The following CRISPLD1 variants were observed in gnomAD, a reference collection of about 807,000 sequenced individuals.
CRISPLD1 encodes cysteine rich secretory protein LCCL domain containing 1.
Under a neutral mutation model 77.5 loss-of-function variants are expected in CRISPLD1, and 60 were observed. The ratio of observed to expected loss-of-function variants is 0.77; its 90% confidence interval spans 0.63 to 0.96. CRISPLD1 has a LOEUF of 0.96. Among genes scored for constraint, CRISPLD1 ranks in the 40% least tolerant of loss-of-function variants. The probability of loss-of-function intolerance (pLI) is 0.00; values close to 1 mark genes in which losing one functional copy is unlikely to be tolerated. For synonymous variants in CRISPLD1, 195 were observed against 200.1 expected (o/e 0.97, Z 0.22); for missense variants, 623 against 615.8 (o/e 1.01, Z -0.12).
chr8:74,990,900 C>G (rs1812563280), intron 2 of CRISPLD1, among the ~76,000 whole-genome samples: 2 of 152,038 alleles, frequency 1.3e-5, no homozygotes, highest in Admixed American at 1.3e-4. Context: ...TCTCAAATGT[C>G]TTTCGAATCC....
intron 2 of CRISPLD1, among the ~76,000 whole-genome samples, chr8:74,995,615 C>T (rs1381871211): frequency 6.6e-6 from 1 of 152,194 alleles, no homozygotes; most frequent in East Asian, 1.9e-4. Context: ...GCTGTGACTA[C>T]AGCAATGTGC....
At position 75,007,221 on chromosome 8, in the gene CRISPLD1, A is replaced by G. The variant is rs1587013186; in HGVS notation, c.259-5212A>G. On this transcript the variant is annotated intron_variant, in intron 2 of 14. Coordinates refer to ENST00000262207, the MANE Select transcript of CRISPLD1 (RefSeq NM_031461.6). Reference sequence around the variant, plus strand: ...AATCTGGAAAGAGTATTAATTTACTATGGTCAAGAAGATATATTTGAAAAT... The same window carrying G: ...AATCTGGAAAGAGTATTAATTTACTGTGGTCAAGAAGATATATTTGAAAAT... Among the ~76,000 whole-genome samples the G allele has an allele frequency of 2.6e-5, 4 of 152,182 alleles. No individual in the cohort carries two copies. The South Asian group carries it at 6.2e-4, about 24-fold the overall frequency.
Position 75,019,914 on chromosome 8 carries a change from GT to G in CRISPLD1, c.1171+3del, listed in dbSNP as rs778653034. 3.3e-5 allele frequency: 53 copies of G among 1,612,732 alleles called. No individual in the cohort carries two copies. In the East Asian group the frequency reaches 1.1e-3, roughly 35 times the overall value. On this transcript the variant is annotated splice_donor_variant, in intron 11 of 14. Transcript: ENST00000262207. LOFTEE classifies it high-confidence loss of function. ...TCCTTCACAGTCTCTAAAGTAACAG[GT>G]TAGCACATTCTTCATCTTATTTTCT...
At chr8:75,007,503 C>T (rs1197616551) in intron 2 of CRISPLD1, among the ~76,000 whole-genome samples, 3 of 151,828 alleles carry the variant, frequency 2.0e-5, no homozygotes, top group Non-Finnish European at 4.4e-5. Context: ...CATAATTTCT[C>T]ATTTCTATGA....
rs552298614 is a variant in CRISPLD1, at chr8:75,033,366, A to G, written c.*1124A>G. The G allele has an allele frequency of 2.0e-5, 3 of 152,130 alleles. No individual in the cohort carries two copies. The highest frequency in any genetic ancestry group is 7.2e-5 in the African/African-American group (3 of 41,442). The allele number at this position is 152,130 out of a possible 1,614,324, so 9.4% of individuals were successfully genotyped here. A position where few individuals can be genotyped will look rare whatever the true frequency, so the allele number is the denominator to read the frequency against. On this transcript the variant is annotated 3_prime_UTR_variant, in exon 15 of 15. Transcript: ENST00000262207. ...GAAATCACTTTAAGATAAATGAACA[A>G]AATTATTGTAAGTCTTCTAAACTTG...
At chr8:75,002,783 TA>T (rs1269529505) in intron 2 of CRISPLD1, among the ~76,000 whole-genome samples, 5 of 152,246 alleles carry the variant, frequency 3.3e-5, no homozygotes, top group Non-Finnish European at 7.4e-5. Flanking sequence ...GAGCCTGAGG[TA>T]ACTCAGTATG....
intron 13 of CRISPLD1, among the ~76,000 whole-genome samples, chr8:75,028,592 G>T (rs1813276316): frequency 6.6e-6 from 1 of 152,156 alleles, no homozygotes; most frequent in African/African-American, 2.4e-5. Context: ...TGGGCCAAAA[G>T]AAATGATCTG....
intron 2 of CRISPLD1, among the ~76,000 whole-genome samples, chr8:74,987,844 A>G (rs936361756): frequency 2.0e-5 from 3 of 152,216 alleles, no homozygotes; most frequent in Admixed American, 2.0e-4. Flanking sequence ...ATATTTGTGT[A>G]TGTTTTAAGT....
intron 2 of CRISPLD1, among the ~76,000 whole-genome samples, chr8:75,008,285 C>G (rs1176203845): frequency 6.6e-6 from 1 of 151,896 alleles, no homozygotes; most frequent in African/African-American, 2.4e-5. Flanking sequence ...TGTGGTTTGT[C>G]TTTAAATTAG....
intron 2 of CRISPLD1, among the ~76,000 whole-genome samples, chr8:74,990,505 C>T (rs1812556247): frequency 6.6e-6 from 1 of 152,086 alleles, no homozygotes; most frequent in Non-Finnish European, 1.5e-5. Context: ...GACTTCTCTA[C>T]TCCTTTGACT....
chr8:75,004,570 G>T (rs1812797244), intron 2 of CRISPLD1, among the ~76,000 whole-genome samples: 1 of 152,098 alleles, frequency 6.6e-6, no homozygotes, highest in Non-Finnish European at 1.5e-5. Context: ...TGGAAGTTAG[G>T]TTATTGCTGT....
chr8:74,987,264 A>G (rs377658761), intron 2 of CRISPLD1, among the ~76,000 whole-genome samples: 3 of 152,320 alleles, frequency 2.0e-5, no homozygotes, highest in Admixed American at 6.5e-5. Flanking sequence ...CCCTAAAGAA[A>G]GTAGGTGGCA....
At chr8:75,027,796 A>T (rs1337859672) in intron 13 of CRISPLD1, among the ~76,000 whole-genome samples, 1 of 152,046 alleles carries the variant, frequency 6.6e-6, no homozygotes, top group African/African-American at 2.4e-5. Context: ...ATAGAGCTAG[A>T]CCTTGTACAT....
chr8:74,986,621 T>A (rs1161238267), intron 2 of CRISPLD1, among the ~76,000 whole-genome samples: 1 of 152,234 alleles, frequency 6.6e-6, no homozygotes, highest in Non-Finnish European at 1.5e-5. Context: ...AAATTCAGAC[T>A]AATAATCGGA....
intron 13 of CRISPLD1, chr8:75,026,460 G>GTA (rs1489700993): frequency 1.3e-5 from 2 of 152,190 alleles, no homozygotes; most frequent in Non-Finnish European, 2.9e-5. Flanking sequence ...TCAATGAGCT[G>GTA]TACATCAGAC....
chr8:75,017,196 A>T, intron 9 of CRISPLD1, 83 bp downstream of exon 9: 1 of 1,504,416 alleles, frequency 6.6e-7, no homozygotes, highest in Non-Finnish European at 9.2e-7. Flanking sequence ...AACACCTTAC[A>T]TAAGTATAGA....
chr8:75,012,786 G>A (rs1027922429), intron 3 of CRISPLD1, 104 bp from the exon 4 acceptor site: 5 of 1,313,922 alleles, frequency 3.8e-6, no homozygotes, highest in South Asian at 1.5e-5. Flanking sequence ...AATAGTTTAC[G>A]CCAAAGTGTC....
In CRISPLD1 at chr8:75,012,436, T is replaced by C; in HGVS notation, c.262T>C (p.Trp88Arg). 1.9e-6 allele frequency: 3 copies of C among 1,603,318 alleles called. No homozygotes were observed. The highest frequency in any genetic ancestry group is 2.2e-5 in the East Asian group (1 of 44,798). ...TTGCTTTTGTTTTAAACTGTAGACA[T>C]GGGATGTAGAGCTGGAAAGATCTGC... ...PTASNMEYMT[W>R]DVELERSAES... The change falls in exon 3 of 15, where the codon TGG becomes CGG. Residue 88 changes from tryptophan (W) to arginine (R), a missense_variant. Transcript: ENST00000262207.
At position 75,014,808 on chromosome 8, in the gene CRISPLD1, A is replaced by G. The variant is rs1489982781; in HGVS notation, c.627-4A>G. 5.0e-6 allele frequency: 8 copies of G among 1,598,460 alleles called. No individual in the cohort carries two copies. The highest frequency in any genetic ancestry group is 1.4e-5 in the African/African-American group (1 of 73,622). On this transcript the variant is annotated splice_region_variant and splice_polypyrimidine_tract_variant and intron_variant, in intron 5 of 14. Coordinates refer to ENST00000262207, the MANE Select transcript of CRISPLD1 (RefSeq NM_031461.6). ...TTTTTAATAGAGCGTATCATCTCTT[A>G]AAGGGGAAACTGGTGGGGCCATGCC...
Sources: gnomAD v4.1 joint callset for allele counts (sites outside exome capture counted in the v4.1 genomes callset) on GRCh38, gnomAD v4.1.1 for gene constraint, MANE v1.5 for transcripts, NCBI Gene and HGNC (gene_info 2026-07-23, HGNC 2026-07-21) for gene names.